The following ST6GALNAC3 variants were observed in gnomAD, a reference collection of about 807,000 sequenced individuals.
The protein encoded by ST6GALNAC3 is ST6 N-acetylgalactosaminide alpha-2,6-sialyltransferase 3.
A neutral mutation model predicts 32.7 loss-of-function variants in ST6GALNAC3; 25 were observed. The ratio of observed to expected loss-of-function variants is 0.76; its 90% CI spans 0.56 to 1.07. The LOEUF (loss-of-function observed/expected upper bound fraction) is 1.07, where lower values mean the gene tolerates loss of function less well. Among genes scored for constraint, ST6GALNAC3 ranks in the 50% least tolerant of loss-of-function variants. The pLI, the probability that ST6GALNAC3 is intolerant of heterozygous loss-of-function variation, is 0.00. For missense variants in ST6GALNAC3, 355 were observed against 382.4 expected (o/e 0.93, Z 0.60); for synonymous variants, 129 against 133.1 (o/e 0.97, Z 0.21).
At chr1:76,256,788 A>G (rs1288434269) in intron 1 of ST6GALNAC3, among the ~76,000 whole-genome samples, 3 of 151,858 alleles carry the variant, frequency 2.0e-5, no homozygotes, top group African/African-American at 7.3e-5. Context: ...AGTGCTGTGT[A>G]AGTTATAAAC....
At chr1:76,174,677 T>C (rs200196854) in intron 1 of ST6GALNAC3, among the ~76,000 whole-genome samples, 1 of 142,742 alleles carries the variant, frequency 7.0e-6, no homozygotes, top group African/African-American at 2.5e-5. Context: ...TTTTTTTTTC[T>C]TTTTTTTGAG....
intron 1 of ST6GALNAC3, among the ~76,000 whole-genome samples, chr1:76,124,461 C>T (rs576140167): frequency 7.2e-5 from 11 of 152,286 alleles, no homozygotes; most frequent in East Asian, 3.9e-4. Flanking sequence ...CCTGACCTTG[C>T]GCAATGTAGT....
At chr1:76,076,652 A>G (rs1399834008) in intron 1 of ST6GALNAC3, among the ~76,000 whole-genome samples, 3 of 152,200 alleles carry the variant, frequency 2.0e-5, no homozygotes, top group Non-Finnish European at 4.4e-5. Flanking sequence ...TTTTTCCTCT[A>G]ACATATAATA....
chr1:76,096,481 A>G (rs1245504831), intron 1 of ST6GALNAC3, among the ~76,000 whole-genome samples: 2 of 152,172 alleles, frequency 1.3e-5, no homozygotes, highest in African/African-American at 4.8e-5. Context: ...AGTGAATACT[A>G]TAGCTTTGCC....
At chr1:76,525,791 G>GTGTGTGTATATATA (rs1438917629) in intron 3 of ST6GALNAC3, among the ~76,000 whole-genome samples, 7 of 75,576 alleles carry the variant, frequency 9.3e-5, no homozygotes, top group Admixed American at 6.8e-4. Flanking sequence ...GTGTGTGTGT[G>GTGTGTGTATATATA]TATATATATA....
At chr1:76,305,228 G>A (rs76543363) in intron 1 of ST6GALNAC3, among the ~76,000 whole-genome samples, 1,590 of 152,228 alleles carry the variant, frequency 0.01, 19 homozygotes, top group African/African-American at 0.037. Context: ...AGGCAGCATA[G>A]TGGGTGCTAG....
At chr1:76,379,458 T>G (rs1313253770) in intron 2 of ST6GALNAC3, among the ~76,000 whole-genome samples, 1 of 151,940 alleles carries the variant, frequency 6.6e-6, no homozygotes, top group African/African-American at 2.4e-5. Context: ...CAGTTTAGAG[T>G]CAACAAAAAT....
chr1:76,335,373 C>A (rs6669101), intron 2 of ST6GALNAC3, among the ~76,000 whole-genome samples: 14,889 of 152,126 alleles, frequency 0.098, 882 homozygotes, highest in Non-Finnish European at 0.13. Context: ...CCTATCCCAG[C>A]TGCTTAGGGT....
chr1:76,392,722 G>T (rs989061293), intron 2 of ST6GALNAC3, among the ~76,000 whole-genome samples: 5 of 152,148 alleles, frequency 3.3e-5, no homozygotes, highest in Admixed American at 6.5e-5. Flanking sequence ...ATTCATGAAG[G>T]ATATTTTTCT....
intron 1 of ST6GALNAC3, among the ~76,000 whole-genome samples, chr1:76,256,410 G>A (rs1657921021): frequency 6.6e-6 from 1 of 152,110 alleles, no homozygotes; most frequent in Admixed American, 6.6e-5. Context: ...CCCCATTATG[G>A]GGGCAAAGAG....
chr1:76,140,741 G>A (rs1349538473), intron 1 of ST6GALNAC3, among the ~76,000 whole-genome samples: 1 of 147,632 alleles, frequency 6.8e-6, no homozygotes, highest in African/African-American at 2.5e-5. Flanking sequence ...CCAGCCTCCT[G>A]AGTGGCTGGG....
chr1:76,420,195 A>T (rs539043293), intron 3 of ST6GALNAC3, among the ~76,000 whole-genome samples: 4 of 151,998 alleles, frequency 2.6e-5, no homozygotes. Context: ...ATTTTTAACA[A>T]GTTTCCAGGC....
At chr1:76,100,375 C>T (rs1393505744) in intron 1 of ST6GALNAC3, among the ~76,000 whole-genome samples, 3 of 152,076 alleles carry the variant, frequency 2.0e-5, no homozygotes, top group Admixed American at 6.6e-5. Flanking sequence ...TTCTATTCCT[C>T]CTTTGCTAAG....
At chr1:76,463,689 C>T (rs1029038736) in intron 3 of ST6GALNAC3, among the ~76,000 whole-genome samples, 6 of 152,112 alleles carry the variant, frequency 3.9e-5, no homozygotes, top group Admixed American at 2.0e-4. Context: ...GCTTTCCTAC[C>T]GCAGGGTTTG....
intron 1 of ST6GALNAC3, among the ~76,000 whole-genome samples, chr1:76,198,480 A>G (rs1484257230): frequency 2.0e-5 from 3 of 152,234 alleles, no homozygotes; most frequent in African/African-American, 7.2e-5. Context: ...AGGCAGGGAA[A>G]CAGGATGTCA....
chr1:76,467,727 A>G (rs1571325503), intron 3 of ST6GALNAC3, among the ~76,000 whole-genome samples: 1 of 151,924 alleles, frequency 6.6e-6, no homozygotes. Context: ...TTTCTCCTAT[A>G]CTGTGCATTA....
Position 76,629,960 on chromosome 1 carries a change from AT to A in ST6GALNAC3, c.*1155del. On this transcript the variant is annotated 3_prime_UTR_variant, in exon 5 of 5. Transcript: ENST00000328299. ...TAGGGATTTATTTTTCCCATAGTGT[AT>A]CAGTTGTTATGCCACAATAACAACA... The A allele has an allele frequency of 1.0e-6, 1 of 985,114 alleles. No individual in the cohort carries two copies. The highest frequency in any genetic ancestry group is 1.2e-6 in the Non-Finnish European group (1 of 829,732). The allele number at this position is 985,114 out of a possible 1,614,324, so 61.0% of individuals were successfully genotyped here.
intron 1 of ST6GALNAC3, among the ~76,000 whole-genome samples, chr1:76,227,990 T>G (rs1213416874): frequency 1.3e-5 from 2 of 152,200 alleles, no homozygotes; most frequent in Non-Finnish European, 2.9e-5. Context: ...TGTGGAACAT[T>G]TAATTTCATT....
intron 1 of ST6GALNAC3, among the ~76,000 whole-genome samples, chr1:76,139,507 T>G (rs1650180868): frequency 6.6e-6 from 1 of 152,230 alleles, no homozygotes; most frequent in Non-Finnish European, 1.5e-5. Flanking sequence ...GATTTGCTCC[T>G]TGGCCTTTAT....
Sources: gnomAD v4.1 joint callset for allele counts (sites outside exome capture counted in the v4.1 genomes callset) on GRCh38, gnomAD v4.1.1 for gene constraint, MANE v1.5 for transcripts, NCBI Gene and HGNC (gene_info 2026-07-23, HGNC 2026-07-21) for gene names.